The following NOVA2 variants were observed in gnomAD, a reference collection of about 807,000 sequenced individuals.
The protein encoded by NOVA2 is NOVA alternative splicing regulator 2.
Under a neutral mutation model 22.5 loss-of-function variants are expected in NOVA2, and 9 were observed. The ratio of observed to expected loss-of-function variants is 0.40; its 90% CI spans 0.24 to 0.70. NOVA2 has a LOEUF of 0.70. NOVA2 is among the 30% of genes least tolerant of loss of function. The pLI is 0.38. For missense variants in NOVA2, 383 were observed against 682.8 expected, an observed-to-expected ratio of 0.56 and a Z score of 4.89; for synonymous variants, 318 against 335.2, an observed-to-expected ratio of 0.95 and a Z score of 0.56.
intron 1 of NOVA2, among the ~76,000 whole-genome samples, chr19:45,964,155 T>C (rs1198774836): frequency 6.8e-6 from 1 of 147,362 alleles, no homozygotes; most frequent in Non-Finnish European, 1.5e-5. Flanking sequence ...AGGAAGCCTA[T>C]TTTCTTTTTT....
chr19:45,958,836 C>T (rs1968053609), intron 2 of NOVA2, among the ~76,000 whole-genome samples: 1 of 152,316 alleles, frequency 6.6e-6, no homozygotes, highest in African/African-American at 2.4e-5. Context: ...CTTTACCTCG[C>T]TCATCCTTCC....
At chr19:45,943,276 G>A (rs989479018) in intron 3 of NOVA2, among the ~76,000 whole-genome samples, 3 of 150,938 alleles carry the variant, frequency 2.0e-5, no homozygotes, top group Non-Finnish European at 4.4e-5. Context: ...GGCCAGTCTC[G>A]AACTCCTGGC....
intron 3 of NOVA2, among the ~76,000 whole-genome samples, chr19:45,942,174 C>T (rs1210428284): frequency 6.6e-6 from 1 of 152,144 alleles, no homozygotes; most frequent in African/African-American, 2.4e-5. Flanking sequence ...CACTGTGTCC[C>T]CTTCAAATTC....
chr19:45,953,450 G>C (rs1467635758), intron 3 of NOVA2, among the ~76,000 whole-genome samples: 2 of 152,156 alleles, frequency 1.3e-5, no homozygotes, highest in Non-Finnish European at 2.9e-5. Context: ...GAGGCAGGTC[G>C]TTCAGAGAGA....
At chr19:45,969,509 GAAAAAA>G (rs397946088) in intron 1 of NOVA2, among the ~76,000 whole-genome samples, 45 of 40,544 alleles carry the variant, frequency 1.1e-3, no homozygotes, top group Admixed American at 1.4e-3. Context: ...CCCTGTCTCA[GAAAAAA>G]AAAAAAAAAA....
intron 1 of NOVA2, among the ~76,000 whole-genome samples, chr19:45,966,137 G>A (rs985694036): frequency 6.6e-6 from 1 of 152,204 alleles, no homozygotes; most frequent in Non-Finnish European, 1.5e-5. Context: ...GAGGAGGAAT[G>A]TCCTCTCACT....
At chr19:45,952,894 G>A (rs1422011051) in intron 3 of NOVA2, among the ~76,000 whole-genome samples, 4 of 152,220 alleles carry the variant, frequency 2.6e-5, no homozygotes, top group African/African-American at 7.2e-5. Flanking sequence ...GCAACGACAG[G>A]ACCCAAGAAT....
rs575915684 is a variant in NOVA2, at chr19:45,958,530, A to AGT, written c.229+2478_229+2479dup. Among the ~76,000 whole-genome samples, 1,119 of 134,356 alleles carry AGT rather than the reference A, an allele frequency of 8.3e-3. 12 individuals carry two copies. The highest frequency in any genetic ancestry group is 0.034 in the African/African-American group (1,063 of 31,276). 88.1% of individuals were successfully genotyped at this position (134,356 alleles called of 152,430 possible). ...GTAAGCATGTGTGACAATGTGTGACAGTGTGTGTGACTGTGTGTAAGCGTG... is the reference window on the plus strand; with the variant it reads ...GTAAGCATGTGTGACAATGTGTGACAGTGTGTGTGTGACTGTGTGTAAGCGTG... On this transcript the variant is annotated intron_variant, in intron 2 of 3. Coordinates refer to ENST00000263257, the MANE Select transcript of NOVA2 (RefSeq NM_002516.4).
chr19:45,939,904 C>T lies in NOVA2; in HGVS notation c.1438G>A (p.Glu480Lys). The T allele has an allele frequency of 6.2e-7, 1 of 1,614,208 alleles. No individual in the cohort carries two copies. Among genetic ancestry groups the T allele is most frequent in the South Asian group, 1.1e-5 (1 of 91,086 alleles). ...GGGTTTGAGGCCCTCACTCCCTGCTCGTAGGTGACCCGCTGACTGATGAGG... is the reference window on the plus strand; with the variant it reads ...GGGTTTGAGGCCCTCACTCCCTGCTTGTAGGTGACCCGCTGACTGATGAGG... ...QYLISQRVTY[E>K]QGVRASNPQK... Residue 480 changes from glutamate to lysine, a missense_variant, in exon 4 of 4, where the codon GAG (glutamate) becomes AAG (lysine). Around this residue, in one of 2 missense-constraint regions of NOVA2, gnomAD observed 34 missense variants for 104.7 expected, o/e 0.32. Coordinates refer to ENST00000263257, the MANE Select transcript of NOVA2 (RefSeq NM_002516.4).
chr19:45,970,244 G>C (rs760092091), intron 1 of NOVA2, among the ~76,000 whole-genome samples: 2 of 152,136 alleles, frequency 1.3e-5, no homozygotes, highest in African/African-American at 2.4e-5. Context: ...CTGCAGTATC[G>C]TAAGTCTAGC....
chr19:45,940,571 C>T lies in NOVA2; in HGVS notation c.771G>A (p.Gly257=). The change falls in exon 4 of 4, where the codon GGG becomes GGA. Residue 257 remains glycine, a synonymous_variant. Transcript: ENST00000263257. ...AAASGLLGPA[G]LAGVGAFPAA... ...CGGGAAAGGCCCCCACGCCAGCCAG[C>T]CCGGCGGGGCCCAGCAGGCCGGAGG... 6.9e-7 allele frequency: 1 copy of T among 1,447,582 alleles called. No homozygotes were observed. 89.7% of individuals were successfully genotyped at this position (1,447,582 alleles called of 1,614,324 possible).
intron 1 of NOVA2, among the ~76,000 whole-genome samples, chr19:45,971,833 CA>C (rs577571894): frequency 2.3e-4 from 35 of 152,012 alleles, no homozygotes; most frequent in Admixed American, 1.8e-3. Context: ...CTGAGGACCC[CA>C]AAAAACCCCA....
chr19:45,969,315 G>T (rs1968204553), intron 1 of NOVA2, among the ~76,000 whole-genome samples: 1 of 151,834 alleles, frequency 6.6e-6, no homozygotes, highest in Admixed American at 6.6e-5. Context: ...GACCAGCCTG[G>T]GCAACATAGC....
chr19:45,955,103 G>A (rs1967985768), intron 2 of NOVA2, among the ~76,000 whole-genome samples: 1 of 152,140 alleles, frequency 6.6e-6, no homozygotes, highest in Admixed American at 6.5e-5. Context: ...GAGAGTTTGA[G>A]AGAAAGAAAC....
chr19:45,939,627 A>G lies in NOVA2; in HGVS notation c.*236T>C, dbSNP rs1454532926. On this transcript the variant is annotated 3_prime_UTR_variant, in exon 4 of 4. Coordinates refer to ENST00000263257, the MANE Select transcript of NOVA2 (RefSeq NM_002516.4). Reference sequence around the variant, plus strand: ...GGGTCAGGCCCAGCCAAGCACAGGGAGGGAGGAAGGAGGGGTCAGTTCCGG... The same window carrying G: ...GGGTCAGGCCCAGCCAAGCACAGGGGGGGAGGAAGGAGGGGTCAGTTCCGG... 5 of 554,998 alleles carry G rather than the reference A, an allele frequency of 9.0e-6. No individual in the cohort carries two copies. The highest frequency in any genetic ancestry group is 1.3e-5 in the Non-Finnish European group (4 of 312,798). The allele number at this position is 554,998 out of a possible 1,614,324, so 34.4% of individuals were successfully genotyped here. A position where few individuals can be genotyped will look rare whatever the true frequency, so the allele number is the denominator to read the frequency against.
At chr19:45,946,872 TA>T (rs35836093) in intron 3 of NOVA2, among the ~76,000 whole-genome samples, 68,720 of 133,438 alleles carry the variant, frequency 0.51, 16,925 homozygotes, top group Non-Finnish European at 0.54. Context: ...AGACTCCGTC[TA>T]AAAAAAAAAA....
At chr19:45,961,278 C>G (rs1968092387) in intron 1 of NOVA2, 125 bp from the exon 2 acceptor site, 1 of 618,710 alleles carries the variant, frequency 1.6e-6, no homozygotes, top group Non-Finnish European at 2.8e-6. Flanking sequence ...TAATGATCTT[C>G]ATTCACTCAT....
intron 2 of NOVA2, among the ~76,000 whole-genome samples, chr19:45,954,574 AG>A (rs1967975389): frequency 1.4e-5 from 1 of 72,986 alleles, no homozygotes; most frequent in Non-Finnish European, 3.0e-5. Flanking sequence ...TGGAGGGCTG[AG>A]GGGTGGGGGA....
Position 45,934,936 on chromosome 19 carries a change from C to T in NOVA2, c.*4927G>A, listed in dbSNP as rs1475089997. 1 of 152,038 alleles carries T rather than the reference C, an allele frequency of 6.6e-6. No individual in the cohort carries two copies. The highest frequency in any genetic ancestry group is 1.9e-4 in the East Asian group (1 of 5,170). The allele number at this position is 152,038 out of a possible 1,614,324, so 9.4% of individuals were successfully genotyped here. On this transcript the variant is annotated 3_prime_UTR_variant, in exon 4 of 4. Transcript: ENST00000263257. ...AGGAAAGGTAGCAACTGCCCCTAGC[C>T]TCCCCCCTCCCCCCTGCCGGACACA...
Sources: allele counts gnomAD v4.1 joint callset (sites outside exome capture counted in the v4.1 genomes callset), GRCh38; gene constraint gnomAD v4.1.1; regional missense constraint gnomAD v4.1.1; transcripts MANE v1.5; gene names NCBI Gene and HGNC (gene_info 2026-07-23, HGNC 2026-07-21).